Variants in GHR observed in about 807,000 individuals in gnomAD.
GHR encodes growth hormone receptor, also known as GH receptor.
In GHR, 35 loss-of-function variants were observed where a neutral mutation model predicts 67.1. The ratio of observed to expected loss-of-function variants is 0.52; its 90% CI spans 0.40 to 0.69. The LOEUF (loss-of-function observed/expected upper bound fraction) is 0.69, where lower values mean the gene tolerates loss of function less well. Ranked by LOEUF, GHR falls within the 30% of genes least tolerant of loss-of-function variation. The probability of loss-of-function intolerance (pLI) is 0.00; values close to 1 mark genes in which losing one functional copy is unlikely to be tolerated. For synonymous variants in GHR, 272 were observed against 269.1 expected (o/e 1.01, Z -0.10); for missense variants, 792 against 764.6 (o/e 1.04, Z -0.42).
At chr5:42,493,428 T>C (rs1746197927) in intron 1 of GHR, among the ~76,000 whole-genome samples, 1 of 152,214 alleles carries the variant, frequency 6.6e-6, no homozygotes, top group Admixed American at 6.5e-5. Context: ...AAAGGAAACC[T>C]ATGCCTAAAA....
chr5:42,462,937 TA>T (rs1005507920), intron 1 of GHR, among the ~76,000 whole-genome samples: 155 of 150,376 alleles, frequency 1.0e-3, no homozygotes, highest in African/African-American at 3.5e-3. Context: ...TTTTGAAAAA[TA>T]AAAAAAAACA....
intron 3 of GHR, among the ~76,000 whole-genome samples, chr5:42,634,495 T>A (rs941431476): frequency 2.0e-5 from 3 of 150,832 alleles, no homozygotes; most frequent in Non-Finnish European, 2.9e-5. Context: ...ATATGCTGAG[T>A]ATTTCACGGA....
intron 3 of GHR, among the ~76,000 whole-genome samples, chr5:42,665,798 C>T (rs1293447710): frequency 6.6e-6 from 1 of 152,046 alleles, no homozygotes; most frequent in African/African-American, 2.4e-5. Flanking sequence ...CACAGTTCCA[C>T]ATGGCTGGTG....
chr5:42,482,333 C>T (rs1745681621), intron 1 of GHR, among the ~76,000 whole-genome samples: 1 of 152,162 alleles, frequency 6.6e-6, no homozygotes, highest in Non-Finnish European at 1.5e-5. Context: ...GGGTCAGGGA[C>T]CCACTTGAGG....
Position 42,513,739 on chromosome 5 carries a change from G to A in GHR, c.-11-52125G>A, listed in dbSNP as rs1034216972. On this transcript the variant is annotated intron_variant, in intron 1 of 9. Transcript: ENST00000230882. ...GGAGGTTGTGGTGAGCCAAGATCGC[G>A]CCATTGCACTCCAGTCTGGGCAACA... 3.3e-5 allele frequency among the ~76,000 whole-genome samples: 5 copies of A among 151,648 alleles called. No individual in the cohort carries two copies. In the East Asian group the frequency reaches 5.8e-4, roughly 18 times the overall value.
intron 1 of GHR, among the ~76,000 whole-genome samples, chr5:42,551,350 T>C (rs1749023236): frequency 6.6e-6 from 1 of 151,534 alleles, no homozygotes; most frequent in Non-Finnish European, 1.5e-5. Context: ...CGGTGGGGAG[T>C]CTGGAAGGCT....
At position 42,719,059 on chromosome 5, in the gene GHR, C is replaced by A; in HGVS notation, c.1552C>A (p.Pro518Thr). Residue 518 changes from proline (P) to threonine (T), a missense_variant, in exon 10 of 10, where the codon CCG (proline) becomes ACG (threonine). Transcript: ENST00000230882. The part of the protein sequence containing the change: ...KAGMSQCDMH[P>T]EMVSLCQENF... ...AGGGATGTCCCAATGTGACATGCAC[C>A]CGGAAATGGTCTCACTCTGCCAAGA... 6.2e-7 allele frequency: 1 copy of A among 1,610,752 alleles called. No individual in the cohort carries two copies. Among genetic ancestry groups the A allele is most frequent in the Non-Finnish European group, 8.5e-7 (1 of 1,177,496 alleles).
intron 3 of GHR, among the ~76,000 whole-genome samples, chr5:42,688,297 A>C (rs1185718153): frequency 2.6e-5 from 4 of 152,180 alleles, no homozygotes; most frequent in Admixed American, 6.5e-5. Flanking sequence ...CTCGGCAAAG[A>C]CCCTCAGCTC....
chr5:42,467,137 G>T, intron 1 of GHR: 1 of 1,600,040 alleles, frequency 6.2e-7, no homozygotes, highest in Non-Finnish European at 8.6e-7. Flanking sequence ...ACACACAAAA[G>T]GAAGATCTCC....
chr5:42,425,528 C>T (rs996513466), intron 1 of GHR, among the ~76,000 whole-genome samples: 5 of 152,180 alleles, frequency 3.3e-5, no homozygotes, highest in Non-Finnish European at 7.3e-5. Context: ...AAAATTGATG[C>T]AGCAGACAGG....
At chr5:42,554,156 T>C (rs2112431670) in intron 1 of GHR, among the ~76,000 whole-genome samples, 1 of 152,300 alleles carries the variant, frequency 6.6e-6, no homozygotes, top group African/African-American at 2.4e-5. Flanking sequence ...ACTGATCCAA[T>C]TCATCTATGA....
intron 1 of GHR, among the ~76,000 whole-genome samples, chr5:42,506,016 C>A (rs1175486775): frequency 1.3e-5 from 2 of 152,124 alleles, no homozygotes; most frequent in Non-Finnish European, 2.9e-5. Context: ...GCTTCCCCTT[C>A]TTGTTAGTGA....
intron 3 of GHR, among the ~76,000 whole-genome samples, chr5:42,671,788 C>T (rs542667644): frequency 2.0e-5 from 3 of 151,808 alleles, no homozygotes; most frequent in Non-Finnish European, 4.4e-5. Context: ...AACCCAGTCT[C>T]TACTAAAAAT....
At chr5:42,465,471 T>C in intron 1 of GHR, 1 of 1,585,090 alleles carries the variant, frequency 6.3e-7, no homozygotes, top group Non-Finnish European at 8.7e-7. Flanking sequence ...CCCTCCTCTT[T>C]TACCTCTTCA....
At chr5:42,688,102 G>C (rs1445705522) in intron 3 of GHR, among the ~76,000 whole-genome samples, 1 of 152,186 alleles carries the variant, frequency 6.6e-6, no homozygotes, top group Non-Finnish European at 1.5e-5. Context: ...GAGTTTACTG[G>C]CTGAATCTTT....
intron 1 of GHR, among the ~76,000 whole-genome samples, chr5:42,497,858 G>C (rs1012632980): frequency 3.3e-5 from 5 of 152,138 alleles, no homozygotes; most frequent in African/African-American, 9.7e-5. Flanking sequence ...CATTTCTATA[G>C]GTATCAGAAT....
intron 1 of GHR, among the ~76,000 whole-genome samples, chr5:42,469,875 C>T (rs1744918905): frequency 6.6e-6 from 1 of 151,948 alleles, no homozygotes; most frequent in African/African-American, 2.4e-5. Context: ...TGTGAAGTTC[C>T]TAGGGACACT....
At chr5:42,534,884 G>A (rs1176951854) in intron 1 of GHR, among the ~76,000 whole-genome samples, 1 of 151,892 alleles carries the variant, frequency 6.6e-6, no homozygotes, top group Admixed American at 6.6e-5. Context: ...GTATCACATT[G>A]TGGTTTTGAT....
intron 1 of GHR, among the ~76,000 whole-genome samples, chr5:42,466,236 T>C (rs1336139567): frequency 6.6e-6 from 1 of 152,124 alleles, no homozygotes; most frequent in Non-Finnish European, 1.5e-5. Flanking sequence ...CAGAACAGAC[T>C]CAACAGAGGT....
Sources: gnomAD v4.1 joint callset for allele counts (sites outside exome capture counted in the v4.1 genomes callset) on GRCh38, gnomAD v4.1.1 for gene constraint, MANE v1.5 for transcripts, NCBI Gene and HGNC (gene_info 2026-07-23, HGNC 2026-07-21) for gene names.